The following IQCH variants were observed in gnomAD, a reference collection of about 807,000 sequenced individuals.
The protein encoded by IQCH is IQ domain-containing protein H.
Under a neutral mutation model 117.0 loss-of-function variants are expected in IQCH, and 98 were observed. The observed-to-expected ratio is 0.84, with a 90% CI of 0.71 to 0.99. The LOEUF is 0.99. IQCH is among the 50% of genes least tolerant of loss of function. The pLI is 0.00. For missense variants in IQCH, 1,102 were observed against 1,243.8 expected (o/e 0.89, Z 1.72); for synonymous variants, 412 against 448.2 (o/e 0.92, Z 1.02).
At chr15:67,421,645 T>C (rs2081745772) in intron 16 of IQCH, 68 bp downstream of exon 16, 29 of 1,485,666 alleles carry the variant, frequency 2.0e-5, no homozygotes, top group Non-Finnish European at 2.7e-5. Context: ...ACACCTACAG[T>C]ACAACAGGGC....
chr15:67,316,840 C>A (rs1219017638), intron 4 of IQCH, among the ~76,000 whole-genome samples: 1 of 152,170 alleles, frequency 6.6e-6, no homozygotes, highest in Non-Finnish European at 1.5e-5. Context: ...TTCTATACTA[C>A]CTTCCAGGTA....
At position 67,475,590 on chromosome 15, in the gene IQCH, A is replaced by T. The variant is rs2083182934; in HGVS notation, c.2677-106A>T. 1.1e-6 allele frequency: 1 copy of T among 932,924 alleles called. No individual in the cohort carries two copies. The highest frequency in any genetic ancestry group is 2.2e-5 in the Admixed American group (1 of 45,852). 57.8% of individuals were successfully genotyped at this position (932,924 alleles called of 1,614,324 possible). On this transcript the variant is annotated intron_variant, in intron 17 of 20. Transcript: ENST00000335894. The surrounding 1 kb of genome is among the most constrained non-coding windows in gnomAD (Gnocchi z 5.7). The stretch of plus-strand genomic sequence containing the variant: ...TAGGAGAACTGGGTGTGGGGGATAT[A>T]GGAACTCTCAGAATTATCTTCGCAA...
In IQCH at chr15:67,396,917, C is replaced by G. The variant is rs181919766; in HGVS notation, c.1905+1354C>G. 2.5e-3 allele frequency among the ~76,000 whole-genome samples: 381 copies of G among 152,284 alleles called. 4 individuals are homozygous for G. Among genetic ancestry groups the G allele is most frequent in the African/African-American group, 8.6e-3 (358 of 41,550 alleles). Reference sequence around the variant, plus strand: ...AGTATTCTTGGGCAATGTTCATGGGCTTATGAAGGAGGTTTCTCTTAACGG... The same window carrying G: ...AGTATTCTTGGGCAATGTTCATGGGGTTATGAAGGAGGTTTCTCTTAACGG... On this transcript the variant is annotated intron_variant, in intron 13 of 20. Coordinates refer to ENST00000335894, the MANE Select transcript of IQCH (RefSeq NM_001031715.3).
At chr15:67,294,342 C>T (rs1966841064) in intron 4 of IQCH, among the ~76,000 whole-genome samples, 1 of 152,140 alleles carries the variant, frequency 6.6e-6, no homozygotes, top group Non-Finnish European at 1.5e-5. Context: ...ATTTCCTTGC[C>T]TATATTACTA....
rs2083805349 is a variant in IQCH, at chr15:67,496,239, C to T, written c.2970+1873C>T. 6.6e-6 allele frequency among the ~76,000 whole-genome samples: 1 copy of T among 151,882 alleles called. No homozygotes were observed. The highest frequency in any genetic ancestry group is 1.5e-5 in the Non-Finnish European group (1 of 67,988). ...GGCTGAGGTGGGAGAATCATTTGAG[C>T]CTGGGAGGTTGAGGCTGCAGTGAGT... On this transcript the variant is annotated intron_variant, in intron 20 of 20. Coordinates refer to ENST00000335894, the MANE Select transcript of IQCH (RefSeq NM_001031715.3). This position sits in a 1 kb window ranked among gnomAD's most constrained non-coding sequence, Gnocchi z 4.4.
intron 4 of IQCH, among the ~76,000 whole-genome samples, chr15:67,298,622 T>C (rs908377096): frequency 5.9e-5 from 9 of 152,078 alleles, no homozygotes; most frequent in African/African-American, 2.2e-4. Context: ...TTCCAGCACG[T>C]TGGGAGGCCG....
At chr15:67,358,207 C>CTTTTTTTTTTTTTTTTTTTT (rs71142373) in intron 7 of IQCH, among the ~76,000 whole-genome samples, 242 of 10,454 alleles carry the variant, frequency 0.023, 106 homozygotes, top group East Asian at 0.031. Flanking sequence ...ACTTTCTTTT[C>CTTTTTTTTTTTTTTTTTTTT]TTTTTTTTTT....
At chr15:67,337,641 G>A (rs1235976524) in intron 5 of IQCH, among the ~76,000 whole-genome samples, 1 of 152,120 alleles carries the variant, frequency 6.6e-6, no homozygotes, top group Non-Finnish European at 1.5e-5. Context: ...GATACTAAGT[G>A]TAGATTGAGT....
chr15:67,297,086 G>A (rs9920897), intron 4 of IQCH, among the ~76,000 whole-genome samples: 151,431 of 152,316 alleles, frequency 0.99, 75,286 homozygotes, highest in Middle Eastern at 1. Context: ...GGCTGTTTAG[G>A]AGCAGCATGG....
At chr15:67,371,767 G>A (rs1166706265) in intron 8 of IQCH, among the ~76,000 whole-genome samples, 4 of 152,198 alleles carry the variant, frequency 2.6e-5, no homozygotes, top group Non-Finnish European at 4.4e-5. Flanking sequence ...CAGACCATGC[G>A]TGCATGTGTA....
chr15:67,347,814 G>GAT (rs1969468330), intron 6 of IQCH, among the ~76,000 whole-genome samples: 1 of 141,160 alleles, frequency 7.1e-6, no homozygotes, highest in East Asian at 2.0e-4. Flanking sequence ...TATATATATA[G>GAT]ATATATATTT....
Position 67,263,500 on chromosome 15 carries a change from ATAAGT to A in IQCH, c.269+288_269+292del, listed in dbSNP as rs993676666. ...TCAAGTTTATGCAGATTAAAAAAAA[ATAAGT>A]TAATGGTAGAATTTGGACTTCAATG... is the stretch of plus-strand genomic sequence containing the variant. On this transcript the variant is annotated intron_variant, in intron 3 of 20. Transcript: ENST00000335894. 6.6e-5 allele frequency among the ~76,000 whole-genome samples: 10 copies of A among 152,340 alleles called. No homozygotes were observed. The East Asian group carries it at 1.5e-3, about 23-fold the overall frequency.
At chr15:67,374,815 T>C (rs1174741679) in intron 10 of IQCH, among the ~76,000 whole-genome samples, 4 of 152,210 alleles carry the variant, frequency 2.6e-5, no homozygotes, top group African/African-American at 9.6e-5. Context: ...AAGAGGCTAA[T>C]TGCAGACCTC....
intron 6 of IQCH, among the ~76,000 whole-genome samples, 186 bp downstream of exon 6, chr15:67,344,377 C>G (rs1969297966): frequency 6.6e-6 from 1 of 152,168 alleles, no homozygotes; most frequent in Admixed American, 6.5e-5. Flanking sequence ...CAATATATTT[C>G]CATTTCACTT....
At chr15:67,269,942 A>G (rs1965833510) in intron 3 of IQCH, among the ~76,000 whole-genome samples, 1 of 152,180 alleles carries the variant, frequency 6.6e-6, no homozygotes, top group African/African-American at 2.4e-5. Flanking sequence ...GTTGCAGTAA[A>G]CATGGGACTG....
chr15:67,343,947 G>A, intron 5 of IQCH, 116 bp from the exon 6 acceptor site: 1 of 813,420 alleles, frequency 1.2e-6, no homozygotes, highest in Non-Finnish European at 1.9e-6. Flanking sequence ...GGCACTAGAT[G>A]TACCCTCACA....
At chr15:67,343,245 T>C (rs1969247926) in intron 5 of IQCH, among the ~76,000 whole-genome samples, 1 of 152,220 alleles carries the variant, frequency 6.6e-6, no homozygotes, top group Non-Finnish European at 1.5e-5. Context: ...CAGAGCTCTT[T>C]ACTTACTTTC....
At chr15:67,294,527 G>A (rs1280781443) in intron 4 of IQCH, among the ~76,000 whole-genome samples, 1 of 152,166 alleles carries the variant, frequency 6.6e-6, no homozygotes, top group Non-Finnish European at 1.5e-5. Flanking sequence ...AAAGGGGATA[G>A]TCACAGCTGG....
chr15:67,305,351 C>G (rs962030383), intron 4 of IQCH, among the ~76,000 whole-genome samples: 1 of 152,060 alleles, frequency 6.6e-6, no homozygotes, highest in Non-Finnish European at 1.5e-5. Flanking sequence ...TCGTGTAACC[C>G]TGAAATATAT....
Sources: gnomAD v4.1 joint callset for allele counts (sites outside exome capture counted in the v4.1 genomes callset) on GRCh38, gnomAD v4.1.1 for gene constraint, Gnocchi (gnomAD v3.1) non-coding constraint, MANE v1.5 for transcripts, NCBI Gene and HGNC (gene_info 2026-07-23, HGNC 2026-07-21) for gene names.